Variants in DPP6 observed in about 807,000 individuals in gnomAD.
DPP6 encodes A-type potassium channel modulatory protein DPP6.
A neutral mutation model predicts 122.6 loss-of-function variants in DPP6; 69 were observed. That is an observed-to-expected ratio of 0.56 (90% CI 0.46 to 0.69). DPP6 has a LOEUF of 0.69. Ranked by LOEUF, DPP6 falls within the 30% of genes least tolerant of loss-of-function variation. DPP6 has a pLI of 0.00. For missense variants in DPP6, 928 were observed against 1,116.9 expected (o/e 0.83, Z 2.41); for synonymous variants, 418 against 433.1 (o/e 0.97, Z 0.43).
At chr7:154,300,607 G>C (rs1280866503) in intron 1 of DPP6, among the ~76,000 whole-genome samples, 1 of 152,204 alleles carries the variant, frequency 6.6e-6, no homozygotes, top group African/African-American at 2.4e-5. Context: ...GCACTTTGGA[G>C]GGGTCTGAAG....
At chr7:154,633,234 T>G (rs1006882917) in intron 5 of DPP6, among the ~76,000 whole-genome samples, 1 of 152,096 alleles carries the variant, frequency 6.6e-6, no homozygotes, top group African/African-American at 2.4e-5. Context: ...TTATTTTTAT[T>G]TATTTATTCA....
At chr7:154,265,565 T>G (rs1585780134) in intron 1 of DPP6, among the ~76,000 whole-genome samples, 1 of 152,336 alleles carries the variant, frequency 6.6e-6, no homozygotes, top group South Asian at 2.1e-4. Flanking sequence ...TAATAAATTG[T>G]TCAATCATAG....
chr7:154,062,794 A>G (rs1474860799), intron 1 of DPP6, among the ~76,000 whole-genome samples: 1 of 103,392 alleles, frequency 9.7e-6, no homozygotes, highest in Non-Finnish European at 2.0e-5. Context: ...ACTGGCTCTT[A>G]GGACCCCCAT....
At chr7:154,864,783 G>C (rs1803708891) in intron 17 of DPP6, among the ~76,000 whole-genome samples, 1 of 152,314 alleles carries the variant, frequency 6.6e-6, no homozygotes, top group African/African-American at 2.4e-5. Flanking sequence ...AGAGGAACGA[G>C]GTATTCACAC....
intron 1 of DPP6, among the ~76,000 whole-genome samples, chr7:154,087,685 C>T (rs1453623789): frequency 6.6e-6 from 1 of 152,126 alleles, no homozygotes; most frequent in Non-Finnish European, 1.5e-5. Context: ...CTTTGCTGCC[C>T]CGTTCTTGCT....
At chr7:153,969,909 A>G (rs1795943803) in intron 1 of DPP6, among the ~76,000 whole-genome samples, 1 of 151,832 alleles carries the variant, frequency 6.6e-6, no homozygotes, top group Non-Finnish European at 1.5e-5. Context: ...CCTTTCTAGA[A>G]TTTCATATAA....
chr7:154,736,598 C>T (rs1253030779), intron 8 of DPP6, among the ~76,000 whole-genome samples: 1 of 152,200 alleles, frequency 6.6e-6, no homozygotes, highest in Non-Finnish European at 1.5e-5. Flanking sequence ...ATCACATTCA[C>T]AGACGAGGCT....
chr7:154,365,604 A>G (rs569964150), intron 1 of DPP6, among the ~76,000 whole-genome samples: 66 of 152,328 alleles, frequency 4.3e-4, no homozygotes, highest in African/African-American at 1.6e-3. Flanking sequence ...CAGACAGCAC[A>G]GATACCCTAA....
intron 5 of DPP6, among the ~76,000 whole-genome samples, chr7:154,582,308 A>T (rs774463625): frequency 1.3e-5 from 2 of 152,214 alleles, no homozygotes; most frequent in Non-Finnish European, 2.9e-5. Flanking sequence ...TTATTTGTTT[A>T]CAACATTTCT....
At chr7:154,279,385 G>T (rs1031960608) in intron 1 of DPP6, among the ~76,000 whole-genome samples, 1 of 152,126 alleles carries the variant, frequency 6.6e-6, no homozygotes, top group Non-Finnish European at 1.5e-5. Flanking sequence ...TTTTCTTATT[G>T]GTCCAAAGAC....
intron 1 of DPP6, among the ~76,000 whole-genome samples, chr7:154,344,066 CAGA>C (rs1011361552): frequency 6.6e-6 from 1 of 152,068 alleles, no homozygotes; most frequent in Non-Finnish European, 1.5e-5. Flanking sequence ...CATGACATGG[CAGA>C]AGAAGAGACT....
At chr7:154,630,361 G>A (rs945725630) in intron 5 of DPP6, among the ~76,000 whole-genome samples, 1 of 152,212 alleles carries the variant, frequency 6.6e-6, no homozygotes, top group African/African-American at 2.4e-5. Context: ...AAAACGTGGT[G>A]TAAATTTAAG....
intron 1 of DPP6, among the ~76,000 whole-genome samples, chr7:154,340,750 A>G (rs1029028578): frequency 6.6e-6 from 1 of 152,208 alleles, no homozygotes; most frequent in African/African-American, 2.4e-5. Flanking sequence ...CGTTATTGCA[A>G]TTAATACAGC....
At chr7:154,694,944 A>G (rs1055787719) in intron 7 of DPP6, among the ~76,000 whole-genome samples, 2 of 152,122 alleles carry the variant, frequency 1.3e-5, no homozygotes, top group Non-Finnish European at 2.9e-5. Context: ...TCTGAATCTC[A>G]TCTTATGAGT....
At chr7:153,999,777 G>T (rs1265204488) in intron 1 of DPP6, among the ~76,000 whole-genome samples, 1 of 152,164 alleles carries the variant, frequency 6.6e-6, no homozygotes, top group Non-Finnish European at 1.5e-5. Context: ...TGGGCAACAT[G>T]GTGAGATGCT....
chr7:153,975,238 GT>G (rs200448541), intron 1 of DPP6, among the ~76,000 whole-genome samples: 14 of 16,746 alleles, frequency 8.4e-4, no homozygotes, highest in Admixed American at 4.3e-3. Flanking sequence ...AGAATTCTTA[GT>G]TTAAAAAAAA....
intron 1 of DPP6, among the ~76,000 whole-genome samples, chr7:154,075,459 T>C (rs1243908619): frequency 6.6e-6 from 1 of 152,022 alleles, no homozygotes; most frequent in Non-Finnish European, 1.5e-5. Flanking sequence ...ATATACACCA[T>C]GGAATACTAC....
intron 1 of DPP6, among the ~76,000 whole-genome samples, chr7:153,909,725 A>T (rs1799999125): frequency 6.6e-6 from 1 of 152,074 alleles, no homozygotes; most frequent in Non-Finnish European, 1.5e-5. Context: ...TGGACTTCAA[A>T]CTTCCCCAGT....
intron 1 of DPP6, among the ~76,000 whole-genome samples, chr7:154,402,883 C>G (rs112150037): frequency 0.028 from 4,264 of 151,988 alleles, 190 homozygotes; most frequent in African/African-American, 0.098. Context: ...AAGGAAAGAC[C>G]CTTAAATAAA....
Sources: allele counts gnomAD v4.1 joint callset (sites outside exome capture counted in the v4.1 genomes callset), GRCh38; gene constraint gnomAD v4.1.1; transcripts MANE v1.5; gene names NCBI Gene and HGNC (gene_info 2026-07-23, HGNC 2026-07-21).